The following EPHA6 variants were observed in gnomAD, a reference collection of about 807,000 sequenced individuals.
EPHA6 encodes the protein ephrin type-A receptor 6.
EPHA6 carries 50 observed loss-of-function variants against 112.0 expected under a neutral mutation model. The observed-to-expected ratio is 0.45, with a 90% CI of 0.36 to 0.56. EPHA6 has a LOEUF of 0.56. Ranked by LOEUF, EPHA6 falls within the 20% of genes least tolerant of loss-of-function variation. The pLI, the probability that EPHA6 is intolerant of heterozygous loss-of-function variation, is 0.00. For synonymous variants in EPHA6, 529 were observed against 490.7 expected (o/e 1.08, Z -1.03); for missense variants, 1,280 against 1,417.4 (o/e 0.90, Z 1.56).
intron 13 of EPHA6, among the ~76,000 whole-genome samples, chr3:97,617,275 A>G (rs1033229845): frequency 1.3e-5 from 2 of 152,180 alleles, no homozygotes; most frequent in African/African-American, 2.4e-5. Context: ...CTCCTGAAGG[A>G]AGCCTAAATG....
Position 97,309,610 on chromosome 3 carries a change from T to A in EPHA6, c.1606+65323T>A, listed in dbSNP as rs1311814033. On this transcript the variant is annotated intron_variant, in intron 5 of 17. Coordinates refer to ENST00000389672, the MANE Select transcript of EPHA6 (RefSeq NM_001080448.3). The stretch of plus-strand genomic sequence containing the variant: ...ATTAATTTAAAAATTGGTAGTTTAC[T>A]GGTAACATATTTAAGTACTACTTAC... 2.0e-5 allele frequency among the ~76,000 whole-genome samples: 3 copies of A among 151,638 alleles called. No individual in the cohort carries two copies. In the East Asian group the frequency reaches 5.8e-4, roughly 29 times the overall value.
chr3:96,919,798 T>A (rs1211458846), intron 2 of EPHA6, among the ~76,000 whole-genome samples: 3 of 151,870 alleles, frequency 2.0e-5, no homozygotes, highest in Non-Finnish European at 4.4e-5. Flanking sequence ...TTTCTTTATT[T>A]TTCATTCTGT....
chr3:97,095,557 A>C (rs1360307233), intron 3 of EPHA6, among the ~76,000 whole-genome samples: 1 of 152,040 alleles, frequency 6.6e-6, no homozygotes, highest in African/African-American at 2.4e-5. Flanking sequence ...TCAAACACTC[A>C]TCAGACTAAT....
intron 14 of EPHA6, among the ~76,000 whole-genome samples, chr3:97,650,765 G>A (rs1468764397): frequency 6.7e-6 from 1 of 149,638 alleles, no homozygotes; most frequent in Non-Finnish European, 1.5e-5. Flanking sequence ...GCTGAGGCAG[G>A]AGAATTGCTT....
At chr3:97,480,009 A>T (rs761530183) in intron 9 of EPHA6, among the ~76,000 whole-genome samples, 8 of 152,188 alleles carry the variant, frequency 5.3e-5, no homozygotes, top group South Asian at 4.1e-4. Context: ...CACTGAATTA[A>T]CAAGAAAGGG....
intron 3 of EPHA6, among the ~76,000 whole-genome samples, chr3:97,142,016 A>G (rs2075919480): frequency 6.6e-6 from 1 of 152,014 alleles, no homozygotes; most frequent in Non-Finnish European, 1.5e-5. Flanking sequence ...TGACTTTGGA[A>G]ACAAGACATC....
intron 10 of EPHA6, among the ~76,000 whole-genome samples, chr3:97,524,309 G>A (rs1560098909): frequency 1.3e-5 from 2 of 151,874 alleles, no homozygotes; most frequent in African/African-American, 2.4e-5. Flanking sequence ...TATAGTTAAA[G>A]TATTCTAATT....
At chr3:96,988,967 A>G (rs1446053723) in intron 3 of EPHA6, among the ~76,000 whole-genome samples, 1 of 152,092 alleles carries the variant, frequency 6.6e-6, no homozygotes, top group African/African-American at 2.4e-5. Context: ...CATACGTTTG[A>G]TTATAATTAG....
At position 97,357,319 on chromosome 3, in the gene EPHA6, G is replaced by A. The variant is rs182399963; in HGVS notation, c.1607-47831G>A. Among the ~76,000 whole-genome samples, 169 of 152,180 alleles carry A rather than the reference G, an allele frequency of 1.1e-3. 1 individual carries two copies. The highest frequency in any genetic ancestry group is 4.8e-3 in the South Asian group (23 of 4,816). On this transcript the variant is annotated intron_variant, in intron 5 of 17. Coordinates refer to ENST00000389672, the MANE Select transcript of EPHA6 (RefSeq NM_001080448.3). The stretch of plus-strand genomic sequence containing the variant: ...CCTCCCAGGTTCAAGTGATTCTTGT[G>A]CCTAACCCTCTCAAGTAGCTGGGAT...
chr3:97,675,648 C>T (rs2031302134), intron 14 of EPHA6, among the ~76,000 whole-genome samples: 1 of 152,090 alleles, frequency 6.6e-6, no homozygotes, highest in Non-Finnish European at 1.5e-5. Flanking sequence ...CTGAAACAGT[C>T]GTTACCCATA....
intron 5 of EPHA6, among the ~76,000 whole-genome samples, chr3:97,403,745 C>G (rs939627779): frequency 6.6e-6 from 1 of 152,174 alleles, no homozygotes; most frequent in African/African-American, 2.4e-5. Flanking sequence ...CGCGCCCGGC[C>G]TTTTAAAGTT....
rs138277568 is a variant in EPHA6, at chr3:97,185,371, A to G, written c.1115-40893A>G. 7.5e-3 allele frequency among the ~76,000 whole-genome samples: 1,141 copies of G among 152,298 alleles called. 21 individuals are homozygous for G. Among genetic ancestry groups the G allele is most frequent in the African/African-American group, 0.025 (1,042 of 41,536 alleles). On this transcript the variant is annotated intron_variant, in intron 3 of 17. Coordinates refer to ENST00000389672, the MANE Select transcript of EPHA6 (RefSeq NM_001080448.3). Reference sequence around the variant, plus strand: ...AATGAACTCCAACAAATTTACAAGAAAAAAACAGACAACCCCATCAAAAAG... The same window carrying G: ...AATGAACTCCAACAAATTTACAAGAGAAAAACAGACAACCCCATCAAAAAG...
chr3:97,053,651 A>G (rs992745618), intron 3 of EPHA6, among the ~76,000 whole-genome samples: 1 of 152,120 alleles, frequency 6.6e-6, no homozygotes, highest in Non-Finnish European at 1.5e-5. Context: ...TGAGTCCTAT[A>G]CAACTTGCAT....
At position 97,400,160 on chromosome 3, in the gene EPHA6, A is replaced by G. The variant is rs760275519; in HGVS notation, c.1607-4990A>G. Among the ~76,000 whole-genome samples the G allele has an allele frequency of 5.5e-4, 84 of 151,590 alleles. 2 individuals are homozygous for G. The highest frequency in any genetic ancestry group is 3.1e-3 in the Admixed American group (47 of 15,164). ...ATCTAGTTTCATTTTCTGCATGTGGACGTACAGTTTTCCCAGCACCATTTA... is the reference window on the plus strand; with the variant it reads ...ATCTAGTTTCATTTTCTGCATGTGGGCGTACAGTTTTCCCAGCACCATTTA... On this transcript the variant is annotated intron_variant, in intron 5 of 17. Coordinates refer to ENST00000389672, the MANE Select transcript of EPHA6 (RefSeq NM_001080448.3).
At chr3:97,274,398 C>T (rs2079996815) in intron 5 of EPHA6, among the ~76,000 whole-genome samples, 1 of 152,180 alleles carries the variant, frequency 6.6e-6, no homozygotes, top group African/African-American at 2.4e-5. Flanking sequence ...TGAATGACTC[C>T]AGCTTCCTTT....
At chr3:97,505,257 G>C (rs1321291845) in intron 10 of EPHA6, among the ~76,000 whole-genome samples, 1 of 152,156 alleles carries the variant, frequency 6.6e-6, no homozygotes, top group Non-Finnish European at 1.5e-5. Flanking sequence ...TGCTACATAT[G>C]TATACATGTG....
At chr3:97,588,213 CT>C (rs2093509542) in intron 11 of EPHA6, among the ~76,000 whole-genome samples, 1 of 152,124 alleles carries the variant, frequency 6.6e-6, no homozygotes, top group African/African-American at 2.4e-5. Context: ...GTATACCCCC[CT>C]GCCCAATTTT....
chr3:97,032,300 G>C (rs2044888550), intron 3 of EPHA6, among the ~76,000 whole-genome samples: 1 of 152,030 alleles, frequency 6.6e-6, no homozygotes, highest in South Asian at 2.1e-4. Flanking sequence ...GACTGTTGTG[G>C]GGTGGGAGAA....
intron 3 of EPHA6, among the ~76,000 whole-genome samples, chr3:97,197,610 A>G (rs929213963): frequency 2.0e-5 from 3 of 151,788 alleles, no homozygotes; most frequent in African/African-American, 7.3e-5. Context: ...GGAATCTCTC[A>G]GAATTCTGAG....
Sources: allele counts gnomAD v4.1 joint callset (sites outside exome capture counted in the v4.1 genomes callset), GRCh38; gene constraint gnomAD v4.1.1; transcripts MANE v1.5; gene names NCBI Gene and HGNC (gene_info 2026-07-23, HGNC 2026-07-21).